CDIP1: variants seen among roughly 807,000 people sequenced by gnomAD.
CDIP1 encodes the protein cell death inducing p53 target 1.
A neutral mutation model predicts 17.7 loss-of-function variants in CDIP1; 9 were observed. The observed-to-expected ratio is 0.51, with a 90% CI of 0.31 to 0.89. The LOEUF is 0.89. CDIP1 is among the 40% of genes least tolerant of loss of function. CDIP1 has a pLI of 0.05. For missense variants in CDIP1, 263 were observed against 277.9 expected (o/e 0.95, Z 0.38); for synonymous variants, 117 against 109.5 (o/e 1.07, Z -0.43).
intron 1 of CDIP1, among the ~76,000 whole-genome samples, chr16:4,526,342 T>C (rs1412735709): frequency 2.0e-5 from 3 of 150,314 alleles, no homozygotes; most frequent in Non-Finnish European, 3.0e-5. Flanking sequence ...GAGGCGGAGG[T>C]TGCAGTGAGC....
At chr16:4,538,499 AC>A (rs5815208) in intron 1 of CDIP1, 53,166 of 126,888 alleles carry the variant, frequency 0.42, 10,485 homozygotes, top group African/African-American at 0.57. Flanking sequence ...CCGCCCGGTC[AC>A]CCCCCCCACC....
chr16:4,535,926 C>T (rs1315118430), intron 1 of CDIP1, among the ~76,000 whole-genome samples: 1 of 152,170 alleles, frequency 6.6e-6, no homozygotes, highest in Non-Finnish European at 1.5e-5. Context: ...TTTGTGGGAT[C>T]CTAGAAAGGG....
intron 1 of CDIP1, among the ~76,000 whole-genome samples, chr16:4,520,045 T>G (rs1027049679): frequency 6.6e-6 from 1 of 152,028 alleles, no homozygotes; most frequent in African/African-American, 2.4e-5. Flanking sequence ...TCTTTATGAA[T>G]GACCCAGTCT....
chr16:4,516,642 C>T (rs1221308219), intron 1 of CDIP1, among the ~76,000 whole-genome samples: 1 of 150,918 alleles, frequency 6.6e-6, no homozygotes, highest in African/African-American at 2.4e-5. Flanking sequence ...GCAGGAGCAA[C>T]TGCGCCCAGC....
intron 1 of CDIP1, among the ~76,000 whole-genome samples, chr16:4,519,078 G>C (rs2058917940): frequency 6.6e-6 from 1 of 152,312 alleles, no homozygotes; most frequent in Admixed American, 6.5e-5. Context: ...ATAGGTGCCT[G>C]TTTGAAAATC....
intron 1 of CDIP1, among the ~76,000 whole-genome samples, chr16:4,534,978 A>C (rs111589588): frequency 6.6e-6 from 1 of 151,982 alleles, no homozygotes; most frequent in East Asian, 1.9e-4. Context: ...TTGGCCTCCT[A>C]AAGTGCTGGG....
intron 1 of CDIP1, among the ~76,000 whole-genome samples, chr16:4,516,769 G>A (rs903405319): frequency 7.2e-6 from 1 of 138,736 alleles, no homozygotes; most frequent in African/African-American, 2.7e-5. Flanking sequence ...GTGCAGTGGC[G>A]CGATCCTGGC....
rs1337456798 is a variant in CDIP1, at chr16:4,512,272, G to T, written c.*300C>A. 4.1e-6 allele frequency: 2 copies of T among 483,884 alleles called. No individual in the cohort carries two copies. Among genetic ancestry groups the T allele is most frequent in the Non-Finnish European group, 7.6e-6 (2 of 263,474 alleles). The allele number at this position is 483,884 out of a possible 1,614,324, so 30.0% of individuals were successfully genotyped here. ...CCTTGTTTGGAAACAGAGGCATCAG[G>T]ACCCCAGCAGGAGACCCCTCCCAGC... On this transcript the variant is annotated 3_prime_UTR_variant, in exon 6 of 6. Transcript: ENST00000567695. This position sits in a 1 kb window ranked among gnomAD's most constrained non-coding sequence, Gnocchi z 4.6.
chr16:4,518,834 C>T (rs2058915066), intron 1 of CDIP1, among the ~76,000 whole-genome samples: 1 of 152,132 alleles, frequency 6.6e-6, no homozygotes, highest in South Asian at 2.1e-4. Flanking sequence ...AATTAAGCTA[C>T]AAAATGGAAA....
intron 1 of CDIP1, among the ~76,000 whole-genome samples, chr16:4,530,827 G>A (rs79713383): frequency 6.6e-6 from 1 of 151,900 alleles, no homozygotes; most frequent in Admixed American, 6.6e-5. Context: ...AACAAAGCAA[G>A]ACTCTGCCTC....
rs1410645016 is a variant in CDIP1, at chr16:4,513,985, C to G, written c.85+61G>C. 7.4e-7 allele frequency: 1 copy of G among 1,343,848 alleles called. No homozygotes were observed. Among genetic ancestry groups the G allele is most frequent in the African/African-American group, 1.5e-5 (1 of 66,298 alleles). The allele number at this position is 1,343,848 out of a possible 1,614,324, so 83.2% of individuals were successfully genotyped here. ...AGTGGGCATCACCACTTAGAGAGTC[C>G]CAACCATGCCATGGCGGCAGGGGGC... On this transcript the variant is annotated intron_variant, in intron 3 of 5. Coordinates refer to ENST00000567695, the MANE Select transcript of CDIP1 (RefSeq NM_013399.3). The surrounding 1 kb of genome is among the most constrained non-coding windows in gnomAD (Gnocchi z 4.1).
chr16:4,531,147 G>C (rs2059053269), intron 1 of CDIP1, among the ~76,000 whole-genome samples: 1 of 151,928 alleles, frequency 6.6e-6, no homozygotes. Flanking sequence ...TCATGCCTCA[G>C]CCTCCCAAGT....
intron 1 of CDIP1, among the ~76,000 whole-genome samples, chr16:4,535,512 C>G (rs2059097956): frequency 6.6e-6 from 1 of 152,256 alleles, no homozygotes; most frequent in Non-Finnish European, 1.5e-5. Context: ...CCCTTCATCT[C>G]TTCAGCGCTA....
At chr16:4,515,968 T>G (rs541578681) in intron 1 of CDIP1, among the ~76,000 whole-genome samples, 1 of 152,242 alleles carries the variant, frequency 6.6e-6, no homozygotes, top group South Asian at 2.1e-4. Flanking sequence ...ACACAGAAAT[T>G]TGTACACAAA....
At position 4,535,714 on chromosome 16, in the gene CDIP1, C is replaced by T. The variant is rs914693040; in HGVS notation, c.-105+2988G>A. ...CTCACAGAGTAGGAGAAGTGGTGAC[C>T]GGGGCCATCAGGCCCACGGGTTCAG... On this transcript the variant is annotated intron_variant, in intron 1 of 5. Transcript: ENST00000567695. 2.0e-5 allele frequency among the ~76,000 whole-genome samples: 3 copies of T among 152,230 alleles called. No homozygotes were observed. The East Asian group carries it at 5.8e-4, about 29-fold the overall frequency.
At chr16:4,533,482 C>G (rs887637259) in intron 1 of CDIP1, 3 of 152,308 alleles carry the variant, frequency 2.0e-5, no homozygotes, top group African/African-American at 7.2e-5. Context: ...GTTCACTTCA[C>G]TCCCATTGCC....
intron 1 of CDIP1, among the ~76,000 whole-genome samples, chr16:4,535,256 ACCC>A (rs1000701166): frequency 2.7e-4 from 41 of 152,222 alleles, no homozygotes; most frequent in Non-Finnish European, 1.0e-4. Flanking sequence ...TGTTTACTGA[ACCC>A]CCATTACACC....
intron 1 of CDIP1, among the ~76,000 whole-genome samples, chr16:4,527,635 C>CT (rs1411753536): frequency 6.6e-6 from 1 of 152,184 alleles, no homozygotes; most frequent in African/African-American, 2.4e-5. Flanking sequence ...CCTGTACACT[C>CT]TTATGGACTC....
rs377386550 is a variant in CDIP1, at chr16:4,534,303, C to T, written c.-105+4399G>A. Among the ~76,000 whole-genome samples, 140 of 152,268 alleles carry T rather than the reference C, an allele frequency of 9.2e-4. 2 individuals are homozygous for T. The South Asian group carries it at 0.027, about 29-fold the overall frequency. The stretch of plus-strand genomic sequence containing the variant: ...CCACTGCCCAGGGTGAGAACACAGC[C>T]GCAGCCGAGAGAGACTCCACTGCGT... On this transcript the variant is annotated intron_variant, in intron 1 of 5. Transcript: ENST00000567695.
Sources: allele counts gnomAD v4.1 joint callset (sites outside exome capture counted in the v4.1 genomes callset), GRCh38; gene constraint gnomAD v4.1.1; non-coding constraint Gnocchi (gnomAD v3.1); transcripts MANE v1.5; gene names NCBI Gene and HGNC (gene_info 2026-07-23, HGNC 2026-07-21).